Variants in LRRN2 observed in about 807,000 individuals in gnomAD.
The protein encoded by LRRN2 is leucine rich repeat neuronal 2, also known as leucine-rich repeat neuronal protein 2.
A neutral mutation model predicts 35.7 loss-of-function variants in LRRN2; 10 were observed. The ratio of observed to expected loss-of-function variants is 0.28; its 90% CI spans 0.17 to 0.47. The LOEUF is 0.47. Ranked by LOEUF, LRRN2 falls within the 20% of genes least tolerant of loss-of-function variation. The pLI is 0.99. For missense variants in LRRN2, 731 were observed against 940.3 expected (o/e 0.78, Z 2.91); for synonymous variants, 391 against 409.6 (o/e 0.95, Z 0.55).
In LRRN2 at chr1:204,617,551, C is replaced by A. The variant is rs1666426801; in HGVS notation, c.*300G>T. On this transcript the variant is annotated 3_prime_UTR_variant, in exon 2 of 2. Coordinates refer to ENST00000367177, the MANE Select transcript of LRRN2 (RefSeq NM_201630.2). ...CAGGTAGGGGACAGCCAAGCCAGGC[C>A]CAGGAGCCTCTGGGCAGAGAGAAGA... is the stretch of plus-strand genomic sequence containing the variant. 1 of 395,130 alleles carries A rather than the reference C, an allele frequency of 2.5e-6. No homozygotes were observed. Among genetic ancestry groups the A allele is most frequent in the East Asian group, 5.7e-5 (1 of 17,486 alleles). The allele number at this position is 395,130 out of a possible 1,614,324, so 24.5% of individuals were successfully genotyped here.
chr1:204,679,192 G>A (rs1668886190), intron 1 of LRRN2, among the ~76,000 whole-genome samples: 2 of 152,140 alleles, frequency 1.3e-5, no homozygotes, highest in South Asian at 2.1e-4. Flanking sequence ...CCAGCAGAAG[G>A]CAGGGGAAGA....
intron 1 of LRRN2, among the ~76,000 whole-genome samples, chr1:204,639,508 T>C (rs2102600413): frequency 6.6e-6 from 1 of 152,234 alleles, no homozygotes; most frequent in East Asian, 1.9e-4. Flanking sequence ...GTTGTGGTGG[T>C]GCACACTTGT....
chr1:204,659,588 A>G (rs1388575446), intron 1 of LRRN2, among the ~76,000 whole-genome samples: 1 of 150,452 alleles, frequency 6.6e-6, no homozygotes, highest in African/African-American at 2.5e-5. Context: ...AAGGTGGTCA[A>G]CAGTTCATAA....
At chr1:204,638,930 G>A (rs182388837) in intron 1 of LRRN2, among the ~76,000 whole-genome samples, 1 of 152,344 alleles carries the variant, frequency 6.6e-6, no homozygotes, top group African/African-American at 2.4e-5. Flanking sequence ...AGGGTTTTGG[G>A]GGCTCCGTGA....
chr1:204,672,282 G>A (rs906611879), intron 1 of LRRN2, among the ~76,000 whole-genome samples: 3 of 152,160 alleles, frequency 2.0e-5, no homozygotes, highest in African/African-American at 4.8e-5. Flanking sequence ...GCACTAATAC[G>A]CTATGTGATC....
chr1:204,637,509 G>C (rs1379115772), intron 1 of LRRN2, among the ~76,000 whole-genome samples: 3 of 152,254 alleles, frequency 2.0e-5, no homozygotes, highest in Non-Finnish European at 4.4e-5. Context: ...GGAGTCCACT[G>C]TCCACAGCCA....
chr1:204,631,998 C>T (rs568354081), intron 1 of LRRN2, among the ~76,000 whole-genome samples: 21 of 152,266 alleles, frequency 1.4e-4, no homozygotes, highest in Non-Finnish European at 2.5e-4. Flanking sequence ...CCAAGGGAGG[C>T]TCATTTGAGT....
At chr1:204,677,775 G>T (rs182923144) in intron 1 of LRRN2, among the ~76,000 whole-genome samples, 2 of 152,152 alleles carry the variant, frequency 1.3e-5, no homozygotes, top group African/African-American at 4.8e-5. Context: ...ATCTGGTCTC[G>T]GGCAGGAGAG....
At chr1:204,632,542 T>A (rs925529220) in intron 1 of LRRN2, among the ~76,000 whole-genome samples, 3 of 149,554 alleles carry the variant, frequency 2.0e-5, no homozygotes, top group African/African-American at 7.4e-5. Context: ...GGCAAGAGAA[T>A]CACTTGAACC....
intron 1 of LRRN2, among the ~76,000 whole-genome samples, chr1:204,672,837 G>C (rs1668741883): frequency 6.6e-6 from 1 of 152,126 alleles, no homozygotes; most frequent in African/African-American, 2.4e-5. Flanking sequence ...GAAAGTGAAG[G>C]AGCGACCACC....
chr1:204,660,552 G>GACAC (rs72072762), intron 1 of LRRN2, among the ~76,000 whole-genome samples: 1,827 of 143,236 alleles, frequency 0.013, 36 homozygotes, highest in African/African-American at 0.042. Context: ...GCCTTACACA[G>GACAC]ACACACACAC....
chr1:204,638,099 A>C (rs11240230), intron 1 of LRRN2, among the ~76,000 whole-genome samples: 114,797 of 142,348 alleles, frequency 0.81, 46,498 homozygotes, highest in East Asian at 0.89. Context: ...GCCTGCTCTC[A>C]CCCACCCACC....
At chr1:204,654,809 C>A (rs1276313676) in intron 1 of LRRN2, among the ~76,000 whole-genome samples, 1 of 152,204 alleles carries the variant, frequency 6.6e-6, no homozygotes, top group Admixed American at 6.5e-5. Flanking sequence ...ACTCCACCCT[C>A]AATAACATTA....
At chr1:204,639,943 A>G (rs1312332431) in intron 1 of LRRN2, among the ~76,000 whole-genome samples, 1 of 152,124 alleles carries the variant, frequency 6.6e-6, no homozygotes, top group Non-Finnish European at 1.5e-5. Flanking sequence ...TGTATATATT[A>G]TATAATTATA....
intron 1 of LRRN2, among the ~76,000 whole-genome samples, chr1:204,638,073 G>A (rs1256319020): frequency 2.0e-5 from 3 of 152,114 alleles, no homozygotes; most frequent in Non-Finnish European, 4.4e-5. Context: ...AGCGTAGGGG[G>A]ACCCCAACAG....
chr1:204,651,545 G>T (rs753282485), intron 1 of LRRN2, among the ~76,000 whole-genome samples: 1 of 152,162 alleles, frequency 6.6e-6, no homozygotes, highest in Non-Finnish European at 1.5e-5. Context: ...TGAGGAAGCA[G>T]AGTGGGGTGA....
Position 204,631,256 on chromosome 1 carries a change from C to CAATCTAATATATATATATATATATA in LRRN2, c.-226-11039_-226-11038insTATATATATATATATATATTAGATT, listed in dbSNP as rs1282306008. On this transcript the variant is annotated intron_variant, in intron 1 of 1. Coordinates refer to ENST00000367177, the MANE Select transcript of LRRN2 (RefSeq NM_201630.2). ...CAAGAAGAGTGATACCTAGAGTGTT[C>CAATCTAATATATATATATATATATA]TATATATATATATATATATATATAT... 4.3e-4 allele frequency among the ~76,000 whole-genome samples: 16 copies of CAATCTAATATATATATATATATATA among 36,916 alleles called. 6 individuals are homozygous for CAATCTAATATATATATATATATATA. Among genetic ancestry groups the CAATCTAATATATATATATATATATA allele is most frequent in the Non-Finnish European group, 5.6e-4 (11 of 19,726 alleles). 24.2% of individuals were successfully genotyped at this position (36,916 alleles called of 152,430 possible).
intron 1 of LRRN2, among the ~76,000 whole-genome samples, chr1:204,634,571 G>A (rs969211025): frequency 6.6e-6 from 1 of 152,124 alleles, no homozygotes; most frequent in Non-Finnish European, 1.5e-5. Flanking sequence ...GAAGACAGAG[G>A]CACACAGGAA....
At chr1:204,625,096 C>G (rs1334554516) in intron 1 of LRRN2, among the ~76,000 whole-genome samples, 1 of 152,250 alleles carries the variant, frequency 6.6e-6, no homozygotes, top group East Asian at 1.9e-4. Flanking sequence ...CAGCGTTTAT[C>G]TGCTCTTCCA....
Sources: allele counts gnomAD v4.1 joint callset (sites outside exome capture counted in the v4.1 genomes callset), GRCh38; gene constraint gnomAD v4.1.1; transcripts MANE v1.5; gene names NCBI Gene and HGNC (gene_info 2026-07-23, HGNC 2026-07-21).